Variants in MAF observed in about 807,000 individuals in gnomAD.
The protein encoded by MAF is transcription factor Maf.
A neutral mutation model predicts 22.0 loss-of-function variants in MAF; 10 were observed. The observed-to-expected ratio is 0.45, with a 90% CI of 0.28 to 0.77. The LOEUF (loss-of-function observed/expected upper bound fraction) is 0.77. Among genes scored for constraint, MAF ranks in the 30% least tolerant of loss-of-function variants. The pLI is 0.12. For missense variants in MAF, 544 were observed against 548.4 expected, an observed-to-expected ratio of 0.99 and a Z score of 0.08; for synonymous variants, 337 against 255.8, an observed-to-expected ratio of 1.32 and a Z score of -3.03.
At chr16:79,410,186 C>G in the MAF span, among the ~76,000 whole-genome samples, 2 of 152,234 alleles carry the variant, frequency 1.3e-5, no homozygotes, top group Non-Finnish European at 1.5e-5. Flanking sequence ...CCGTACCTCA[C>G]TTCCGATTTC....
At chr16:79,571,222 T>G in the MAF span, among the ~76,000 whole-genome samples, 2 of 152,096 alleles carry the variant, frequency 1.3e-5, no homozygotes, top group Admixed American at 6.6e-5. Context: ...TAGAACTTAG[T>G]GTCCCAGGGG....
the MAF span, among the ~76,000 whole-genome samples, chr16:79,276,606 T>C: frequency 6.6e-6 from 1 of 152,230 alleles, no homozygotes; most frequent in African/African-American, 2.4e-5. Flanking sequence ...CTGAGCAACT[T>C]TGACATCACC....
At chr16:79,439,600 G>A in the MAF span, among the ~76,000 whole-genome samples, 5 of 152,100 alleles carry the variant, frequency 3.3e-5, no homozygotes, top group Middle Eastern at 3.2e-3. Flanking sequence ...CTCTGGATAA[G>A]AAAACAAAGG....
chr16:79,442,243 G>T, the MAF span, among the ~76,000 whole-genome samples: 51 of 152,296 alleles, frequency 3.3e-4, no homozygotes, highest in South Asian at 0.011. Flanking sequence ...GAAGGAAGAG[G>T]ACCAAGATAT....
At chr16:79,595,487 G>A (rs1343737020) in intron 1 of MAF, 2 of 1,059,004 alleles carry the variant, frequency 1.9e-6, no homozygotes, top group Non-Finnish European at 2.3e-6. Context: ...AACAGTGCTG[G>A]CTTTGTCTAA....
chr16:79,210,763 T>G, the MAF span, among the ~76,000 whole-genome samples: 29,733 of 152,068 alleles, frequency 0.2, 3,383 homozygotes, highest in African/African-American at 0.31. Flanking sequence ...ATAGCATCCC[T>G]GACAGTATTC....
the MAF span, among the ~76,000 whole-genome samples, chr16:79,333,625 T>C: frequency 1.3e-5 from 2 of 152,232 alleles, no homozygotes; most frequent in African/African-American, 2.4e-5. Context: ...GACATGGGAA[T>C]CTTTATGCGT....
chr16:79,584,475 A>G (rs543295936), downstream of MAF, among the ~76,000 whole-genome samples: 2 of 152,344 alleles, frequency 1.3e-5, no homozygotes, highest in South Asian at 4.1e-4. Flanking sequence ...TTCACAGCTG[A>G]AATTTGATTT....
the MAF span, among the ~76,000 whole-genome samples, chr16:79,528,368 G>A: frequency 5.3e-5 from 8 of 152,156 alleles, no homozygotes; most frequent in Non-Finnish European, 1.0e-4. Context: ...TCTAGCTTCT[G>A]TGAACCACCC....
At chr16:79,355,132 T>C in the MAF span, among the ~76,000 whole-genome samples, 1 of 152,300 alleles carries the variant, frequency 6.6e-6, no homozygotes, top group Admixed American at 6.5e-5. Flanking sequence ...GGACAATTAA[T>C]CCAAAGTCTA....
At chr16:79,541,662 GTTTTTTTTTTT>G in the MAF span, among the ~76,000 whole-genome samples, 1 of 123,882 alleles carries the variant, frequency 8.1e-6, no homozygotes, top group Non-Finnish European at 1.7e-5. Context: ...GGTTTTTTTA[GTTTTTTTTTTT>G]TTTTTTTTTG....
At chr16:79,482,765 G>T in the MAF span, among the ~76,000 whole-genome samples, 2 of 152,050 alleles carry the variant, frequency 1.3e-5, no homozygotes, top group South Asian at 2.1e-4. Flanking sequence ...CCAATGAGGG[G>T]TTCAAGGAGT....
the MAF span, among the ~76,000 whole-genome samples, chr16:79,447,891 C>CAAAAAAAAAAAA: frequency 3.8e-3 from 273 of 72,532 alleles, 29 homozygotes; most frequent in African/African-American, 0.019. Context: ...GATTCCATCT[C>CAAAAAAAAAAAA]AAAAAAAAAA....
the MAF span, among the ~76,000 whole-genome samples, chr16:79,307,050 C>T: frequency 1.1e-4 from 16 of 152,194 alleles, no homozygotes; most frequent in Non-Finnish European, 1.8e-4. Context: ...TCCTGCCATC[C>T]GAAGGGTATG....
chr16:79,528,000 G>A, the MAF span, among the ~76,000 whole-genome samples: 16 of 152,164 alleles, frequency 1.1e-4, no homozygotes, highest in East Asian at 3.9e-4. Context: ...AAAATTAGCC[G>A]GGCGTGTTGG....
chr16:79,460,226 G>A, the MAF span, among the ~76,000 whole-genome samples: 10 of 152,192 alleles, frequency 6.6e-5, no homozygotes, highest in South Asian at 4.1e-4. Context: ...GTAACTGACC[G>A]TATCGATCTA....
At chr16:79,264,736 A>C in the MAF span, among the ~76,000 whole-genome samples, 3 of 152,140 alleles carry the variant, frequency 2.0e-5, no homozygotes, top group African/African-American at 7.2e-5. Flanking sequence ...CCCAGATACA[A>C]ATGTCTAACC....
At chr16:79,595,824 A>C in intron 1 of MAF, 1 of 1,058,012 alleles carries the variant, frequency 9.5e-7, no homozygotes. Context: ...GTGAAATATG[A>C]TTTGATAACA....
At chr16:79,565,024 G>A in the MAF span, among the ~76,000 whole-genome samples, 4 of 152,160 alleles carry the variant, frequency 2.6e-5, no homozygotes, top group Non-Finnish European at 1.5e-5. Context: ...GAGGGCAAGA[G>A]TCCGGGCCCT....
Sources: allele counts gnomAD v4.1 joint callset (sites outside exome capture counted in the v4.1 genomes callset), GRCh38; gene constraint gnomAD v4.1.1; transcripts MANE v1.5; gene names NCBI Gene and HGNC (gene_info 2026-07-23, HGNC 2026-07-21).